Variants in NLRP5 observed in about 807,000 individuals in gnomAD.
NLRP5 encodes NACHT, LRR and PYD domains-containing protein 5.
NLRP5 carries 93 observed loss-of-function variants against 113.1 expected under a neutral mutation model. The ratio of observed to expected loss-of-function variants is 0.82; its 90% CI spans 0.70 to 0.98. The LOEUF (loss-of-function observed/expected upper bound fraction) is 0.98. Ranked by LOEUF, NLRP5 falls within the 50% of genes least tolerant of loss-of-function variation. The pLI, the probability that NLRP5 is intolerant of heterozygous loss-of-function variation, is 0.00. For synonymous variants in NLRP5, 751 were observed against 600.7 expected, an observed-to-expected ratio of 1.25 and a Z score of -3.66; for missense variants, 1,808 against 1,514.3, an observed-to-expected ratio of 1.19 and a Z score of -3.22.
At chr19:56,055,763 T>A (rs868067226) in intron 13 of NLRP5, among the ~76,000 whole-genome samples, 1 of 151,736 alleles carries the variant, frequency 6.6e-6, no homozygotes, top group Non-Finnish European at 1.5e-5. Context: ...GCCAGGATGG[T>A]CTCAATCTCC....
chr19:55,991,207 CTCA>C, the NLRP5 span, among the ~76,000 whole-genome samples: 1 of 152,226 alleles, frequency 6.6e-6, no homozygotes, highest in African/African-American at 2.4e-5. Flanking sequence ...ATTCCATTTG[CTCA>C]TTATTTGGGG....
At chr19:55,995,463 CTA>C (rs1192709169), upstream of NLRP5, among the ~76,000 whole-genome samples, 1 of 152,124 alleles carries the variant, frequency 6.6e-6, no homozygotes, top group Non-Finnish European at 1.5e-5. Flanking sequence ...TTCTGTTGGT[CTA>C]TGTCTGTTTT....
chr19:56,027,740 G>A lies in NLRP5; in HGVS notation c.1507G>A (p.Ala503Thr), dbSNP rs747631482. Residue 503 changes from alanine (A) to threonine (T), a missense_variant, in exon 7 of 15, where the codon GCC (alanine) becomes ACC (threonine). Ala to Thr is a moderately conservative substitution (Grantham distance 58). Transcript: ENST00000390649. ...CAACCAAACGCTCACAGGCCTGCAC[G>A]CCGCTTTTGTGTTTCATCAGCTCAC... 3 of 1,613,584 alleles carry A rather than the reference G, an allele frequency of 1.9e-6. No individual in the cohort carries two copies. Among genetic ancestry groups the A allele is most frequent in the African/African-American group, 1.3e-5 (1 of 74,850 alleles).
chr19:56,028,963 C>T (rs1982987123), intron 7 of NLRP5, among the ~76,000 whole-genome samples: 1 of 152,090 alleles, frequency 6.6e-6, no homozygotes, highest in Non-Finnish European at 1.5e-5. Context: ...TGGGATTTCG[C>T]CACGTTGGCC....
chr19:56,057,543 C>T (rs1401960789), intron 13 of NLRP5, among the ~76,000 whole-genome samples: 1 of 152,136 alleles, frequency 6.6e-6, no homozygotes, highest in Non-Finnish European at 1.5e-5. Context: ...TCAATATGTC[C>T]TTCCGCCTTC....
At chr19:56,060,641 C>T (rs1159299946) in intron 14 of NLRP5, among the ~76,000 whole-genome samples, 1 of 152,122 alleles carries the variant, frequency 6.6e-6, no homozygotes, top group Non-Finnish European at 1.5e-5. Context: ...AAGGTCATGC[C>T]TGCATCTTAG....
chr19:56,032,855 A>G (rs1983175755), intron 8 of NLRP5, 74 bp downstream of exon 8: 2 of 1,432,472 alleles, frequency 1.4e-6, no homozygotes, highest in Admixed American at 1.9e-5. Context: ...CTCCTGAGAG[A>G]CCCATCTGAA....
chr19:56,048,219 G>A (rs958319160), intron 11 of NLRP5, among the ~76,000 whole-genome samples: 1 of 152,182 alleles, frequency 6.6e-6, no homozygotes, highest in Non-Finnish European at 1.5e-5. Flanking sequence ...TTCAGTGTTA[G>A]GATGGAGATG....
At chr19:56,034,311 G>A (rs1285521989) in intron 9 of NLRP5, among the ~76,000 whole-genome samples, 5 of 152,158 alleles carry the variant, frequency 3.3e-5, no homozygotes, top group African/African-American at 7.2e-5. Context: ...TCTTGAACCC[G>A]GCAGGCGGAG....
intron 14 of NLRP5, among the ~76,000 whole-genome samples, chr19:56,059,173 T>C (rs550979736): frequency 6.6e-6 from 1 of 152,312 alleles, no homozygotes; most frequent in East Asian, 1.9e-4. Context: ...CACTGAACAA[T>C]TCACCTAGCA....
chr19:56,036,158 G>A (rs1599899404), intron 9 of NLRP5, among the ~76,000 whole-genome samples: 1 of 145,398 alleles, frequency 6.9e-6, no homozygotes, highest in African/African-American at 2.6e-5. Flanking sequence ...CCACCTCCTG[G>A]GTTCACGCCA....
chr19:56,008,837 C>G lies in NLRP5; in HGVS notation c.492C>G (p.Ser164Arg), dbSNP rs1355184100. ...CAACGATGACTGACCAAGGACCAAG[C>G]AAGGAAAAAGTGCCAGGTTAGAGGG... Residue 164 changes from serine (S) to arginine (R), a missense_variant, in exon 3 of 15, where the codon AGC (serine) becomes AGG (arginine). By Grantham distance (110) the Ser-to-Arg change is moderately radical. Coordinates refer to ENST00000390649, the MANE Select transcript of NLRP5 (RefSeq NM_153447.4). The G allele has an allele frequency of 6.2e-7, 1 of 1,612,482 alleles. No homozygotes were observed. Among genetic ancestry groups the G allele is most frequent in the Admixed American group, 1.7e-5 (1 of 59,720 alleles).
intron 14 of NLRP5, among the ~76,000 whole-genome samples, chr19:56,059,349 C>T (rs1211935009): frequency 6.6e-6 from 1 of 152,122 alleles, no homozygotes; most frequent in Non-Finnish European, 1.5e-5. Flanking sequence ...CTGATGTCTT[C>T]AGTGTTTAGT....
At chr19:56,010,657 G>A (rs1393452280) in intron 3 of NLRP5, among the ~76,000 whole-genome samples, 1 of 148,692 alleles carries the variant, frequency 6.7e-6, no homozygotes, top group Admixed American at 6.8e-5. Context: ...AGAGGCTGAG[G>A]CAGGAGAATC....
chr19:56,005,925 C>A (rs888769734), intron 2 of NLRP5, among the ~76,000 whole-genome samples: 1 of 152,148 alleles, frequency 6.6e-6, no homozygotes, highest in Non-Finnish European at 1.5e-5. Context: ...TTACAAGATA[C>A]ATAACTTGAC....
chr19:56,057,548 G>A (rs931489837), intron 13 of NLRP5, among the ~76,000 whole-genome samples: 7 of 152,020 alleles, frequency 4.6e-5, no homozygotes, highest in Non-Finnish European at 8.8e-5. Flanking sequence ...ATGTCCTTCC[G>A]CCTTCTCACC....
At chr19:56,042,665 A>G (rs1983565530) in intron 11 of NLRP5, among the ~76,000 whole-genome samples, 1 of 152,162 alleles carries the variant, frequency 6.6e-6, no homozygotes, top group Non-Finnish European at 1.5e-5. Flanking sequence ...TAAGTTCTTT[A>G]GTGGTGATTT....
chr19:56,006,686 C>T (rs1043197391), intron 2 of NLRP5, among the ~76,000 whole-genome samples: 6 of 151,774 alleles, frequency 4.0e-5, no homozygotes, highest in Admixed American at 6.6e-5. Context: ...GAGTCAAGAT[C>T]GCGCCACTGC....
At chr19:56,010,723 CAA>C (rs1982149341) in intron 3 of NLRP5, among the ~76,000 whole-genome samples, 1 of 43,560 alleles carries the variant, frequency 2.3e-5, no homozygotes, top group Non-Finnish European at 4.6e-5. Flanking sequence ...GCCTGGGAAA[CAA>C]GAGCTTAACT....
Sources: gnomAD v4.1 joint callset for allele counts (sites outside exome capture counted in the v4.1 genomes callset) on GRCh38, gnomAD v4.1.1 for gene constraint, MANE v1.5 for transcripts, NCBI Gene and HGNC (gene_info 2026-07-23, HGNC 2026-07-21) for gene names.